MESD: variants seen among roughly 807,000 people sequenced by gnomAD.
MESD encodes the protein LRP chaperone MESD.
In MESD, 7 loss-of-function variants were observed where a neutral mutation model predicts 12.9. That is an observed-to-expected ratio of 0.54 (90% CI 0.31 to 1.02). The LOEUF is 1.02. Ranked by LOEUF, MESD falls within the 50% of genes least tolerant of loss-of-function variation. The probability of loss-of-function intolerance (pLI) is 0.05; values close to 1 mark genes in which losing one functional copy is unlikely to be tolerated. For missense variants in MESD, 342 were observed against 296.7 expected (o/e 1.15, Z -1.12); for synonymous variants, 126 against 115.6 (o/e 1.09, Z -0.58).
downstream of MESD, among the ~76,000 whole-genome samples, chr15:80,972,961 G>A (rs1403697437): frequency 6.6e-6 from 1 of 152,146 alleles, no homozygotes; most frequent in Non-Finnish European, 1.5e-5. Flanking sequence ...GGTGGAAGTT[G>A]CAGTGAGCCA....
At chr15:80,961,759 G>A (rs1902091017) in intron 3 of MESD, among the ~76,000 whole-genome samples, 1 of 152,124 alleles carries the variant, frequency 6.6e-6, no homozygotes, top group African/African-American at 2.4e-5. Context: ...CAAAGAAGAT[G>A]AAAGAAAAAA....
chr15:80,984,080 T>C (rs1405419462), intron 1 of MESD, among the ~76,000 whole-genome samples: 1 of 152,038 alleles, frequency 6.6e-6, no homozygotes, highest in African/African-American at 2.4e-5. Context: ...TTTGTATTTT[T>C]AGTAGAGACG....
At chr15:80,983,330 T>C (rs1430062811) in intron 1 of MESD, among the ~76,000 whole-genome samples, 4 of 152,168 alleles carry the variant, frequency 2.6e-5, no homozygotes, top group Non-Finnish European at 4.4e-5. Flanking sequence ...TTTCACTTAA[T>C]AGGCATTGTA....
chr15:80,955,118 G>C (rs1468183715), intron 3 of MESD, among the ~76,000 whole-genome samples: 1 of 150,656 alleles, frequency 6.6e-6, no homozygotes, highest in Non-Finnish European at 1.5e-5. Flanking sequence ...GCAACACAGC[G>C]AGACCTTGTC....
chr15:80,956,630 C>A (rs529650130), intron 3 of MESD, among the ~76,000 whole-genome samples: 43 of 152,174 alleles, frequency 2.8e-4, no homozygotes, highest in Admixed American at 2.2e-3. Flanking sequence ...AAAGATATTG[C>A]AATAAGTTTT....
rs1359362727 is a variant in MESD, at chr15:80,955,301, C to T, written c.*289-3005G>A. The stretch of plus-strand genomic sequence containing the variant: ...GAGATCGAGACCATCCTAGCTAACA[C>T]GGTGAAACCCTGTCTCTACTAAAAA... On this transcript the variant is annotated intron_variant, in intron 3 of 4. Transcript: ENST00000561312. Among the ~76,000 whole-genome samples the T allele has an allele frequency of 8.8e-5, 13 of 148,168 alleles. No homozygotes were observed. The South Asian group carries it at 1.1e-3, about 12-fold the overall frequency.
chr15:80,952,640 A>G (rs1017552325), intron 3 of MESD, among the ~76,000 whole-genome samples: 30 of 149,120 alleles, frequency 2.0e-4, no homozygotes, highest in Non-Finnish European at 3.4e-4. Context: ...GTGTGTGTGT[A>G]TGTCTCTCTG....
downstream of MESD, among the ~76,000 whole-genome samples, chr15:80,970,889 T>TAAC (rs1443291676): frequency 1.3e-5 from 2 of 152,142 alleles, no homozygotes; most frequent in African/African-American, 4.8e-5. Context: ...TAAACAGACC[T>TAAC]AACAGGATTA....
At chr15:80,961,065 CTCAG>C (rs1237358641) in intron 3 of MESD, among the ~76,000 whole-genome samples, 2 of 152,164 alleles carry the variant, frequency 1.3e-5, no homozygotes, top group Non-Finnish European at 2.9e-5. Context: ...TGCCCTCTCT[CTCAG>C]TATCGCCAGG....
chr15:80,972,550 G>T (rs1322342163), downstream of MESD, among the ~76,000 whole-genome samples: 2 of 152,190 alleles, frequency 1.3e-5, no homozygotes, highest in Non-Finnish European at 2.9e-5. Context: ...CCTAGAAAGG[G>T]ACATGGATCG....
intron 2 of MESD, among the ~76,000 whole-genome samples, chr15:80,980,639 T>C (rs570349550): frequency 1.3e-5 from 2 of 152,088 alleles, no homozygotes; most frequent in South Asian, 2.1e-4. Flanking sequence ...AACTGAGATA[T>C]TAAAAAAAAA....
chr15:80,954,951 C>T (rs545767644), intron 3 of MESD, among the ~76,000 whole-genome samples: 66 of 152,262 alleles, frequency 4.3e-4, no homozygotes, highest in African/African-American at 1.5e-3. Flanking sequence ...GATTGGATGC[C>T]TGTGCTCTAA....
In MESD at chr15:80,976,011, T is replaced by C. The variant is rs1399473431; in HGVS notation, c.*3208A>G. 6.6e-6 allele frequency: 1 copy of C among 152,226 alleles called. No individual in the cohort carries two copies. 9.4% of individuals were successfully genotyped at this position (152,226 alleles called of 1,614,324 possible). A position where few individuals can be genotyped will look rare whatever the true frequency, so the allele number is the denominator to read the frequency against. ...TTCTCTTAAAAAATTTTTGTTTCGT[T>C]TTTTTGAGACAGAGTCTCATCCCGT... On this transcript the variant is annotated 3_prime_UTR_variant, in exon 3 of 3. Transcript: ENST00000261758.
chr15:80,988,295 A>G (rs1209794381), intron 1 of MESD, among the ~76,000 whole-genome samples: 1 of 152,234 alleles, frequency 6.6e-6, no homozygotes, highest in Non-Finnish European at 1.5e-5. Flanking sequence ...AAATGAGATA[A>G]TGTGTTTTTC....
chr15:80,976,219 G>A lies in MESD; in HGVS notation c.*3000C>T, dbSNP rs1008401800. The A allele has an allele frequency of 1.3e-5, 2 of 152,502 alleles. No homozygotes were observed. Among genetic ancestry groups the A allele is most frequent in the Non-Finnish European group, 2.9e-5 (2 of 68,316 alleles). 9.4% of individuals were successfully genotyped at this position (152,502 alleles called of 1,614,324 possible). A position where few individuals can be genotyped will look rare whatever the true frequency, so the allele number is the denominator to read the frequency against. Reference sequence around the variant, plus strand: ...TTGGCCAGGCTGGTCTCAAACTCCTGACCTCAACTGATCCACCCACCTCGG... The same window carrying A: ...TTGGCCAGGCTGGTCTCAAACTCCTAACCTCAACTGATCCACCCACCTCGG... On this transcript the variant is annotated 3_prime_UTR_variant, in exon 3 of 3. Coordinates refer to ENST00000261758, the MANE Select transcript of MESD (RefSeq NM_015154.3).
At chr15:80,955,487 C>CAAAAAAAAAAAAAAA (rs1169755665) in intron 3 of MESD, among the ~76,000 whole-genome samples, 2 of 45,622 alleles carry the variant, frequency 4.4e-5, no homozygotes, top group African/African-American at 1.8e-4. Flanking sequence ...GACTCCGTCT[C>CAAAAAAAAAAAAAAA]AAAAAAAAAA....
chr15:80,952,010 A>G, exon 4 of MESD: 1 of 350,822 alleles, frequency 2.9e-6, no homozygotes, highest in Non-Finnish European at 5.7e-6. Context: ...AGATGGTTCA[A>G]AGAAAGAGAA....
At chr15:80,966,165 G>T (rs943089681) in intron 3 of MESD, among the ~76,000 whole-genome samples, 5 of 151,914 alleles carry the variant, frequency 3.3e-5, no homozygotes, top group African/African-American at 9.7e-5. Context: ...AAAATACTTA[G>T]CATAACCAAT....
intron 1 of MESD, among the ~76,000 whole-genome samples, chr15:80,986,294 G>C (rs1017418367): frequency 1.3e-5 from 2 of 152,142 alleles, no homozygotes; most frequent in African/African-American, 4.8e-5. Context: ...AGAGGATGGT[G>C]AATGGATACA....
Sources: allele counts gnomAD v4.1 joint callset (sites outside exome capture counted in the v4.1 genomes callset), GRCh38; gene constraint gnomAD v4.1.1; transcripts MANE v1.5; gene names NCBI Gene and HGNC (gene_info 2026-07-23, HGNC 2026-07-21).